DDAH1: variants seen among roughly 807,000 people sequenced by gnomAD.
The protein encoded by DDAH1 is dimethylarginine dimethylaminohydrolase 1, also known as N(G),N(G)-dimethylarginine dimethylaminohydrolase 1.
In DDAH1, 19 loss-of-function variants were observed where a neutral mutation model predicts 28.8. That is an observed-to-expected ratio of 0.66 (90% CI 0.46 to 0.97). The LOEUF is 0.97. Among genes scored for constraint, DDAH1 ranks in the 50% least tolerant of loss-of-function variants. The pLI, the probability that DDAH1 is intolerant of heterozygous loss-of-function variation, is 0.00. For missense variants in DDAH1, 326 were observed against 375.9 expected (o/e 0.87, Z 1.10); for synonymous variants, 153 against 154.4 (o/e 0.99, Z 0.07).
At chr1:85,517,868 TG>T (rs1017010315) in intron 1 of DDAH1, among the ~76,000 whole-genome samples, 1 of 152,188 alleles carries the variant, frequency 6.6e-6, no homozygotes, top group African/African-American at 2.4e-5. Context: ...GGCTACTCAC[TG>T]GGCCCTCATG....
intron 1 of DDAH1, chr1:85,379,708 ACTTAT>A: frequency 5.1e-6 from 5 of 985,312 alleles, no homozygotes; most frequent in Non-Finnish European, 4.8e-6. Flanking sequence ...TCTGAACTGA[ACTTAT>A]CTATTTCCCA....
intron 1 of DDAH1, among the ~76,000 whole-genome samples, chr1:85,518,645 G>A (rs2100759514): frequency 6.6e-6 from 1 of 152,226 alleles, no homozygotes; most frequent in East Asian, 1.9e-4. Context: ...AAGGACTCAA[G>A]TGATTAGATT....
intron 1 of DDAH1, chr1:85,379,754 G>C (rs61769487): frequency 0.031 from 30,284 of 962,716 alleles, 529 homozygotes; most frequent in Non-Finnish European, 0.034. Flanking sequence ...TTCCAACTCA[G>C]TTAATGTCAT....
At chr1:85,455,971 T>A (rs1459079604) in intron 1 of DDAH1, among the ~76,000 whole-genome samples, 1 of 152,164 alleles carries the variant, frequency 6.6e-6, no homozygotes, top group Non-Finnish European at 1.5e-5. Context: ...GTATTTTTTA[T>A]TTATCAAACT....
intron 1 of DDAH1, among the ~76,000 whole-genome samples, chr1:85,563,390 C>G (rs569107791): frequency 9.2e-4 from 140 of 152,314 alleles, no homozygotes; most frequent in African/African-American, 2.8e-3. Flanking sequence ...GTGTTCTCAG[C>G]AGCCAGAGTG....
At chr1:85,491,135 C>T (rs1656389755) in intron 2 of DDAH1, among the ~76,000 whole-genome samples, 1 of 151,258 alleles carries the variant, frequency 6.6e-6, no homozygotes, top group African/African-American at 2.4e-5. Context: ...CAACTTCTGC[C>T]TCCCAGGCTC....
intron 1 of DDAH1, chr1:85,576,556 C>T (rs540487339): frequency 6.5e-6 from 1 of 152,676 alleles, no homozygotes; most frequent in Non-Finnish European, 1.5e-5. Flanking sequence ...ACGTCCCGCT[C>T]TCGGGTGCGC....
intron 1 of DDAH1, among the ~76,000 whole-genome samples, chr1:85,523,022 C>A (rs1557722118): frequency 6.6e-6 from 1 of 150,994 alleles, no homozygotes; most frequent in South Asian, 2.1e-4. Flanking sequence ...ATTAAACCAA[C>A]AATTACAAAA....
chr1:85,371,126 TGCAAAAATCCCCC>T (rs1650362706), intron 1 of DDAH1, among the ~76,000 whole-genome samples: 1 of 152,174 alleles, frequency 6.6e-6, no homozygotes, highest in Non-Finnish European at 1.5e-5. Context: ...CAGCAATGGA[TGCAAAAATCCCCC>T]TTTGGCAGGA....
intron 1 of DDAH1, among the ~76,000 whole-genome samples, chr1:85,550,281 T>C (rs1046363767): frequency 2.0e-5 from 3 of 152,228 alleles, no homozygotes; most frequent in African/African-American, 7.2e-5. Context: ...GGTTACATTA[T>C]TCAATCTATA....
chr1:85,530,990 CAAAAAAAAAAAA>C (rs56149686), intron 1 of DDAH1, among the ~76,000 whole-genome samples: 3 of 43,634 alleles, frequency 6.9e-5, no homozygotes, highest in South Asian at 8.9e-4. Flanking sequence ...GACTCTGTCT[CAAAAAAAAAAAA>C]AAAAAAAAAA....
chr1:85,575,659 G>A (rs1422506311), intron 1 of DDAH1, among the ~76,000 whole-genome samples: 1 of 152,212 alleles, frequency 6.6e-6, no homozygotes, highest in African/African-American at 2.4e-5. Context: ...TGGGTAAGCT[G>A]TGATAGAGTT....
At chr1:85,361,950 AT>A (rs1369424916) in intron 1 of DDAH1, among the ~76,000 whole-genome samples, 2 of 152,234 alleles carry the variant, frequency 1.3e-5, no homozygotes. Flanking sequence ...CTGAATAAAT[AT>A]TGTATTTTTT....
intron 1 of DDAH1, among the ~76,000 whole-genome samples, chr1:85,381,084 A>G (rs1398033120): frequency 6.6e-6 from 1 of 151,850 alleles, no homozygotes; most frequent in Non-Finnish European, 1.5e-5. Flanking sequence ...TAAAAAATAC[A>G]AAAATTAGCC....
intron 1 of DDAH1, chr1:85,380,694 C>T (rs1650938182): frequency 6.6e-6 from 1 of 151,964 alleles, no homozygotes; most frequent in Non-Finnish European, 1.5e-5. Context: ...TAATTTAGTG[C>T]CTGAACTTAT....
At chr1:85,556,944 C>T (rs764004021) in intron 1 of DDAH1, among the ~76,000 whole-genome samples, 1 of 152,116 alleles carries the variant, frequency 6.6e-6, no homozygotes, top group Non-Finnish European at 1.5e-5. Flanking sequence ...TGGTGAAATC[C>T]TGTCTCTACT....
At chr1:85,481,812 T>C (rs17127797) in intron 2 of DDAH1, among the ~76,000 whole-genome samples, 1,665 of 152,324 alleles carry the variant, frequency 0.011, 42 homozygotes, top group African/African-American at 0.038. Context: ...CGGGAACACC[T>C]TAGCCTCCAG....
At chr1:85,565,873 G>A (rs890093568) in intron 1 of DDAH1, among the ~76,000 whole-genome samples, 3 of 152,156 alleles carry the variant, frequency 2.0e-5, no homozygotes, top group African/African-American at 7.2e-5. Flanking sequence ...CTGAGGTCAA[G>A]AGTTCGAGAC....
chr1:85,436,629 T>C (rs1290905242), intron 1 of DDAH1, among the ~76,000 whole-genome samples: 1 of 152,194 alleles, frequency 6.6e-6, no homozygotes, highest in Non-Finnish European at 1.5e-5. Context: ...GTAATGGTGC[T>C]CAGCTTATCT....
Sources: allele counts gnomAD v4.1 joint callset (sites outside exome capture counted in the v4.1 genomes callset), GRCh38; gene constraint gnomAD v4.1.1; transcripts MANE v1.5; gene names NCBI Gene and HGNC (gene_info 2026-07-23, HGNC 2026-07-21).